The following FLI1 variants were observed in gnomAD, a reference collection of about 807,000 sequenced individuals.
The protein encoded by FLI1 is Fli-1 proto-oncogene, ETS transcription factor.
In FLI1, 13 loss-of-function variants were observed where a neutral mutation model predicts 53.1. The ratio of observed to expected loss-of-function variants is 0.24; its 90% CI spans 0.16 to 0.39. FLI1 has a LOEUF of 0.39. Ranked by LOEUF, FLI1 falls within the 10% of genes least tolerant of loss-of-function variation. The pLI is 1.00. For missense variants in FLI1, 424 were observed against 600.5 expected, an observed-to-expected ratio of 0.71 and a Z score of 3.07; for synonymous variants, 244 against 236.7, an observed-to-expected ratio of 1.03 and a Z score of -0.28.
intron 4 of FLI1, among the ~76,000 whole-genome samples, chr11:128,775,843 G>A (rs1356860747): frequency 1.3e-5 from 2 of 152,164 alleles, no homozygotes; most frequent in Non-Finnish European, 2.9e-5. Context: ...GAGATGGATG[G>A]AAAATAGCTG....
intron 1 of FLI1, among the ~76,000 whole-genome samples, chr11:128,730,663 G>C (rs987554649): frequency 6.6e-6 from 1 of 152,082 alleles, no homozygotes; most frequent in African/African-American, 2.4e-5. Flanking sequence ...TTGGGATCTT[G>C]GGAGAGCTAC....
Position 128,736,954 on chromosome 11 carries a change from G to A in FLI1, c.19-21161G>A, listed in dbSNP as rs556969917. Among the ~76,000 whole-genome samples the A allele has an allele frequency of 2.6e-5, 4 of 152,186 alleles. No individual in the cohort carries two copies. The South Asian group carries it at 8.3e-4, about 32-fold the overall frequency. ...CTGGTTTGCATTCTTCCCAAAGGAG[G>A]CACATTCTAACAAACAAACAACCAT... On this transcript the variant is annotated intron_variant, in intron 1 of 8. Transcript: ENST00000527786.
chr11:128,793,292 AG>A (rs1942334403), intron 5 of FLI1, among the ~76,000 whole-genome samples: 1 of 151,990 alleles, frequency 6.6e-6, no homozygotes, highest in Admixed American at 6.6e-5. Flanking sequence ...AAGAAGGAAG[AG>A]ATGTCAAAAT....
chr11:128,737,395 C>T (rs78446369), intron 1 of FLI1, among the ~76,000 whole-genome samples: 7,868 of 152,208 alleles, frequency 0.052, 653 homozygotes, highest in African/African-American at 0.18. Flanking sequence ...CATCACAGCC[C>T]CCACCACACC....
chr11:128,752,769 T>C (rs569095964), intron 1 of FLI1, among the ~76,000 whole-genome samples: 1 of 152,266 alleles, frequency 6.6e-6, no homozygotes, highest in Non-Finnish European at 1.5e-5. Context: ...ATGTAAACAG[T>C]GTTTTGTATT....
At chr11:128,788,212 G>A (rs895065306) in intron 5 of FLI1, among the ~76,000 whole-genome samples, 2 of 152,110 alleles carry the variant, frequency 1.3e-5, no homozygotes, top group African/African-American at 2.4e-5. Flanking sequence ...GTTCATGCCT[G>A]TAATCCCTGC....
intron 1 of FLI1, among the ~76,000 whole-genome samples, chr11:128,753,459 C>T (rs1411092254): frequency 6.6e-6 from 1 of 152,240 alleles, no homozygotes; most frequent in African/African-American, 2.4e-5. Flanking sequence ...TGTAGTCCCT[C>T]TGAGGATGGC....
At chr11:128,777,824 G>A (rs903363087) in intron 4 of FLI1, among the ~76,000 whole-genome samples, 3 of 144,836 alleles carry the variant, frequency 2.1e-5, no homozygotes, top group Non-Finnish European at 4.6e-5. Context: ...AAAGGCTTTG[G>A]CACTGGGACG....
chr11:128,774,263 C>T (rs971721078), intron 4 of FLI1, among the ~76,000 whole-genome samples: 4 of 152,092 alleles, frequency 2.6e-5, no homozygotes, highest in Non-Finnish European at 2.9e-5. Context: ...CTTTCCGAGG[C>T]GTCTGGTAAC....
chr11:128,695,717 A>G (rs1476722728), intron 1 of FLI1, among the ~76,000 whole-genome samples: 2 of 152,238 alleles, frequency 1.3e-5, no homozygotes, highest in Non-Finnish European at 2.9e-5. Context: ...CCTCAAACCC[A>G]AAGTGAGTAG....
Position 128,810,752 on chromosome 11 carries a change from G to A in FLI1, c.1123G>A (p.Glu375Lys). The change falls in exon 9 of 9, where the codon GAG becomes AAG. Residue 375 changes from glutamate to lysine, a missense_variant. Glu to Lys is a moderately conservative substitution (Grantham distance 56). Around this residue, in one of 5 missense-constraint regions of FLI1, gnomAD observed 71 missense variants for 174.2 expected, o/e 0.41. Coordinates refer to ENST00000527786, the MANE Select transcript of FLI1 (RefSeq NM_002017.5). The surrounding 1 kb of genome is among the most constrained non-coding windows in gnomAD (Gnocchi z 6.6). ...CCAGGCTCTGCAGCCACATCCGACC[G>A]AGTCGTCCATGTACAAGTACCCTTC... ...IAQALQPHPT[E>K]SSMYKYPSDI... is the part of the protein sequence containing the mutation. 1.9e-6 allele frequency: 3 copies of A among 1,613,994 alleles called. No homozygotes were observed. The highest frequency in any genetic ancestry group is 2.5e-6 in the Non-Finnish European group (3 of 1,179,878).
intron 5 of FLI1, among the ~76,000 whole-genome samples, chr11:128,787,838 G>A (rs1213550225): frequency 3.7e-5 from 5 of 133,836 alleles, no homozygotes; most frequent in Admixed American, 1.7e-4. Flanking sequence ...ATGGAGTCTC[G>A]CTCTGTCGCT....
At chr11:128,686,795 G>A in intron 1 of FLI1, 1 of 275,642 alleles carries the variant, frequency 3.6e-6, no homozygotes, top group South Asian at 3.2e-5. Context: ...GGGAAAAAGG[G>A]GTAGGGGTGG....
At chr11:128,745,593 C>T (rs1191430952) in intron 1 of FLI1, among the ~76,000 whole-genome samples, 1 of 152,206 alleles carries the variant, frequency 6.6e-6, no homozygotes, top group East Asian at 1.9e-4. Flanking sequence ...GGAAAAGAAG[C>T]GGCCATTAAG....
chr11:128,772,081 C>T (rs983135529), intron 3 of FLI1, among the ~76,000 whole-genome samples: 1 of 132,182 alleles, frequency 7.6e-6, no homozygotes, highest in African/African-American at 2.9e-5. Context: ...CACACACATA[C>T]ACACACTGAG....
upstream of FLI1, among the ~76,000 whole-genome samples, chr11:128,689,010 T>G (rs1398646928): frequency 6.6e-6 from 1 of 152,202 alleles, no homozygotes; most frequent in African/African-American, 2.4e-5. Flanking sequence ...AAAGTTGTGC[T>G]GGCTGCCAGG....
intron 4 of FLI1, among the ~76,000 whole-genome samples, chr11:128,777,325 A>G (rs1173213800): frequency 7.8e-6 from 1 of 127,518 alleles, no homozygotes; most frequent in Non-Finnish European, 1.6e-5. Context: ...TTGTATGTCA[A>G]TCTGGGTCTG....
At chr11:128,803,592 G>A (rs1942694787) in intron 5 of FLI1, among the ~76,000 whole-genome samples, 1 of 152,136 alleles carries the variant, frequency 6.6e-6, no homozygotes, top group Non-Finnish European at 1.5e-5. Context: ...CACATGACCC[G>A]TGTTTCCTCA....
chr11:128,722,861 T>C (rs1326483924), intron 1 of FLI1, among the ~76,000 whole-genome samples: 1 of 152,096 alleles, frequency 6.6e-6, no homozygotes, highest in East Asian at 1.9e-4. Flanking sequence ...ATCCAAACAA[T>C]CGGGAGGAAA....
Sources: allele counts gnomAD v4.1 joint callset (sites outside exome capture counted in the v4.1 genomes callset), GRCh38; gene constraint gnomAD v4.1.1; regional missense constraint gnomAD v4.1.1; non-coding constraint Gnocchi (gnomAD v3.1); transcripts MANE v1.5; gene names NCBI Gene and HGNC (gene_info 2026-07-23, HGNC 2026-07-21).